The following SDK1 variants were observed in gnomAD, a reference collection of about 807,000 sequenced individuals.
SDK1 encodes the protein sidekick cell adhesion molecule 1, also known as protein sidekick-1.
SDK1 carries 157 observed loss-of-function variants against 245.5 expected under a neutral mutation model. The ratio of observed to expected loss-of-function variants is 0.64; its 90% confidence interval spans 0.56 to 0.73. SDK1 has a LOEUF of 0.73. Ranked by LOEUF, SDK1 falls within the 30% of genes least tolerant of loss-of-function variation. The pLI, the probability that SDK1 is intolerant of heterozygous loss-of-function variation, is 0.00. For synonymous variants in SDK1, 1,647 were observed against 1,278.5 expected (o/e 1.29, Z -6.15); for missense variants, 3,583 against 3,002.3 (o/e 1.19, Z -4.52).
chr7:4,111,314 A>C (rs1783328030), intron 23 of SDK1, among the ~76,000 whole-genome samples: 4 of 152,212 alleles, frequency 2.6e-5, no homozygotes, highest in Admixed American at 2.6e-4. Flanking sequence ...ATGAGCTGTT[A>C]GTACTGTGAT....
At chr7:4,242,059 C>T (rs1465619135) in intron 43 of SDK1, 146 bp downstream of exon 43, 5 of 889,512 alleles carry the variant, frequency 5.6e-6, no homozygotes, top group Non-Finnish European at 8.4e-6. Context: ...CGCTCCCAAA[C>T]CACCAGGGGC....
intron 1 of SDK1, among the ~76,000 whole-genome samples, chr7:3,474,493 C>T (rs1166079928): frequency 6.6e-6 from 1 of 152,020 alleles, no homozygotes; most frequent in African/African-American, 2.4e-5. Flanking sequence ...CTTGGCCTAC[C>T]CTTGACATGT....
At chr7:3,643,612 A>G (rs1782724873) in intron 4 of SDK1, 1 of 137,244 alleles carries the variant, frequency 7.3e-6, no homozygotes, top group Non-Finnish European at 1.5e-5. Flanking sequence ...CCACCTGAGC[A>G]TCTGTGGAAT....
chr7:3,674,411 C>T (rs1783823457), intron 4 of SDK1, among the ~76,000 whole-genome samples: 1 of 152,010 alleles, frequency 6.6e-6, no homozygotes, highest in Non-Finnish European at 1.5e-5. Context: ...AGGGGAGGAC[C>T]AGCCTTCCTG....
chr7:3,944,572 A>T lies in SDK1; in HGVS notation c.848-6351A>T, dbSNP rs151306430. On this transcript the variant is annotated intron_variant, in intron 5 of 44. Coordinates refer to ENST00000404826, the MANE Select transcript of SDK1 (RefSeq NM_152744.4). ...AGATATGCAAATAATAGAAATAAAGAGGTTGTTTCATTCTTTTAAAAATGC... is the reference window on the plus strand; with the variant it reads ...AGATATGCAAATAATAGAAATAAAGTGGTTGTTTCATTCTTTTAAAAATGC... Among the ~76,000 whole-genome samples the T allele has an allele frequency of 3.5e-4, 53 of 152,314 alleles. No homozygotes were observed. In the East Asian group the frequency reaches 9.8e-3, roughly 28 times the overall value.
intron 1 of SDK1, among the ~76,000 whole-genome samples, chr7:3,583,058 A>G (rs1780562439): frequency 6.6e-6 from 1 of 152,196 alleles, no homozygotes; most frequent in South Asian, 2.1e-4. Flanking sequence ...GGGCAGGGGT[A>G]GGGATGGGAG....
Position 4,145,803 on chromosome 7 carries a change from T to C in SDK1, c.4310T>C (p.Phe1437Ser). 9 of 1,613,672 alleles carry C rather than the reference T, an allele frequency of 5.6e-6. No homozygotes were observed. Among genetic ancestry groups the C allele is most frequent in the Non-Finnish European group, 7.6e-6 (9 of 1,179,866 alleles). The change falls in exon 29 of 45, where the codon TTC becomes TCC. Residue 1437 changes from phenylalanine (F) to serine (S), a missense_variant. Transcript: ENST00000404826. Reference sequence around the variant, plus strand: ...GAGGTCGGCGCCACAGTGAGGCAGTTCACAGCCACCGACCTGGCCCCGGAG... The same window carrying C: ...GAGGTCGGCGCCACAGTGAGGCAGTCCACAGCCACCGACCTGGCCCCGGAG... Reference protein sequence around the residue: ...TVEVGATVRQFTATDLAPESA... With the variant: ...TVEVGATVRQSTATDLAPESA...
At chr7:4,034,297 C>T (rs1472164629) in intron 17 of SDK1, among the ~76,000 whole-genome samples, 2 of 152,272 alleles carry the variant, frequency 1.3e-5, no homozygotes, top group East Asian at 1.9e-4. Context: ...TGGATTCTGT[C>T]ACCACAGAAG....
At chr7:3,363,095 G>A (rs533700536) in intron 1 of SDK1, among the ~76,000 whole-genome samples, 2 of 152,218 alleles carry the variant, frequency 1.3e-5, no homozygotes, top group South Asian at 2.1e-4. Context: ...ATCACCACAA[G>A]GATCTCTCAT....
At chr7:3,554,045 G>T (rs1250712273) in intron 1 of SDK1, among the ~76,000 whole-genome samples, 1 of 152,196 alleles carries the variant, frequency 6.6e-6, no homozygotes, top group East Asian at 1.9e-4. Context: ...TAAACAGGGT[G>T]ACTGCCTAGA....
At chr7:4,078,759 C>T (rs1291997218) in intron 21 of SDK1, among the ~76,000 whole-genome samples, 1 of 152,200 alleles carries the variant, frequency 6.6e-6, no homozygotes, top group African/African-American at 2.4e-5. Context: ...TCTGAAGGGT[C>T]TCTCATCTAG....
intron 1 of SDK1, among the ~76,000 whole-genome samples, chr7:3,534,381 G>A (rs900236888): frequency 6.6e-5 from 10 of 152,088 alleles, no homozygotes; most frequent in Admixed American, 2.0e-4. Flanking sequence ...TGACTTCTCA[G>A]TTCCTTTGGG....
chr7:3,876,991 C>A (rs1428303349), intron 5 of SDK1, among the ~76,000 whole-genome samples: 4 of 152,204 alleles, frequency 2.6e-5, no homozygotes, highest in Non-Finnish European at 4.4e-5. Context: ...TACCTTCTGT[C>A]CCTCTGCCCC....
chr7:3,614,319 C>G (rs902412786), intron 1 of SDK1, among the ~76,000 whole-genome samples: 1 of 152,092 alleles, frequency 6.6e-6, no homozygotes, highest in Non-Finnish European at 1.5e-5. Context: ...ATTCTAGGGT[C>G]TTCTAATGTT....
intron 4 of SDK1, among the ~76,000 whole-genome samples, chr7:3,740,207 A>G (rs549318228): frequency 6.6e-6 from 1 of 152,256 alleles, no homozygotes; most frequent in Non-Finnish European, 1.5e-5. Context: ...TGTACGTCAA[A>G]TTGTATGTCA....
At chr7:3,800,094 C>G (rs752863002) in intron 4 of SDK1, among the ~76,000 whole-genome samples, 7 of 152,194 alleles carry the variant, frequency 4.6e-5, no homozygotes, top group African/African-American at 4.8e-5. Flanking sequence ...GGGTTTGGCT[C>G]TCAGTCTCCA....
intron 4 of SDK1, among the ~76,000 whole-genome samples, chr7:3,689,504 G>T (rs549839050): frequency 5.3e-5 from 8 of 152,164 alleles, no homozygotes; most frequent in Non-Finnish European, 8.8e-5. Flanking sequence ...GATTCCCTAC[G>T]TGTAGTATTT....
intron 1 of SDK1, among the ~76,000 whole-genome samples, chr7:3,431,288 C>G (rs1779837484): frequency 6.7e-6 from 1 of 150,356 alleles, no homozygotes; most frequent in Admixed American, 6.6e-5. Flanking sequence ...ACCCCCAGAT[C>G]ATAAAGTGCC....
intron 1 of SDK1, among the ~76,000 whole-genome samples, chr7:3,575,237 C>G (rs1177711868): frequency 2.6e-5 from 4 of 152,066 alleles, no homozygotes; most frequent in Admixed American, 6.5e-5. Context: ...TGTGTCCTCA[C>G]ATGCCTTTGC....
Sources: allele counts gnomAD v4.1 joint callset (sites outside exome capture counted in the v4.1 genomes callset), GRCh38; gene constraint gnomAD v4.1.1; transcripts MANE v1.5; gene names NCBI Gene and HGNC (gene_info 2026-07-23, HGNC 2026-07-21).